The following APOL1 variants were observed in gnomAD, a reference collection of about 807,000 sequenced individuals.
APOL1 encodes apolipoprotein L1.
In APOL1, 17 loss-of-function variants were observed where a neutral mutation model predicts 14.9. That is an observed-to-expected ratio of 1.14 (90% CI 0.78 to 1.71). The LOEUF (loss-of-function observed/expected upper bound fraction) is 1.71. Ranked by LOEUF, APOL1 falls within the 40% of genes most tolerant of loss-of-function variation. The probability of loss-of-function intolerance (pLI) is 0.00; values close to 1 mark genes in which losing one functional copy is unlikely to be tolerated. For missense variants in APOL1, 523 were observed against 485.9 expected (o/e 1.08, Z -0.72); for synonymous variants, 195 against 184.8 (o/e 1.05, Z -0.45).
At position 36,253,960 on chromosome 22, in the gene APOL1, A is replaced by G. The variant is rs1569533594; in HGVS notation, c.-20+741A>G. On this transcript the variant is annotated intron_variant, in intron 1 of 5. Coordinates refer to ENST00000397278, the MANE Select transcript of APOL1 (RefSeq NM_003661.4). ...CCTGTGGCATGATGCCAGCTTTGCA[A>G]TCATGAGATTCAAAAGCCACACTGT... The G allele has an allele frequency of 1.9e-6, 3 of 1,614,224 alleles. No homozygotes were observed. The East Asian group carries it at 6.7e-5, about 36-fold the overall frequency.
At chr22:36,257,779 G>C (rs965868019) in intron 4 of APOL1, among the ~76,000 whole-genome samples, 3 of 151,590 alleles carry the variant, frequency 2.0e-5, no homozygotes, top group Admixed American at 2.0e-4. Flanking sequence ...GCCCCGACCT[G>C]TCACCTCCCG....
chr22:36,255,084 G>A, intron 2 of APOL1, 85 bp downstream of exon 2: 2 of 1,474,016 alleles, frequency 1.4e-6, no homozygotes, highest in Non-Finnish European at 9.5e-7. Flanking sequence ...CTGGGCCAGG[G>A]CCATCTGGGC....
At chr22:36,255,134 C>A in intron 2 of APOL1, 135 bp downstream of exon 2, 1 of 1,096,032 alleles carries the variant, frequency 9.1e-7, no homozygotes, top group Non-Finnish European at 1.4e-6. Context: ...AATTGACCAA[C>A]CGGCAGACTC....
At chr22:36,259,049 C>T (rs958027547) in intron 4 of APOL1, among the ~76,000 whole-genome samples, 6 of 152,264 alleles carry the variant, frequency 3.9e-5, no homozygotes, top group Middle Eastern at 3.4e-3. Flanking sequence ...GTTCTTGTTT[C>T]TTCTGTGACC....
At position 36,265,270 on chromosome 22, in the gene APOL1, C is replaced by T. The variant is rs2016200281; in HGVS notation, c.434C>T (p.Pro145Leu). 2.5e-6 allele frequency: 4 copies of T among 1,614,062 alleles called. No homozygotes were observed. Among genetic ancestry groups the T allele is most frequent in the South Asian group, 1.1e-5 (1 of 91,070 alleles). ...QYRNWFLKEF[P>L]RLKSELEDNI... The stretch of plus-strand genomic sequence containing the variant: ...AGAAACTGGTTTCTGAAAGAGTTTC[C>T]TCGGTTGAAAAGTGAGCTTGAGGAT... The change falls in exon 6 of 6, where the codon CCT becomes CTT. Residue 145 changes from proline (P) to leucine (L), a missense_variant. By Grantham distance (98) the Pro-to-Leu change is moderately conservative. Transcript: ENST00000397278.
At position 36,266,082 on chromosome 22, in the gene APOL1, G is replaced by A. The variant is rs112920649; in HGVS notation, c.*49G>A. The A allele has an allele frequency of 8.5e-6, 13 of 1,528,176 alleles. No homozygotes were observed. The African/African-American group carries it at 9.7e-5, about 11-fold the overall frequency. The allele number at this position is 1,528,176 out of a possible 1,614,324, so 94.7% of individuals were successfully genotyped here. A position where few individuals can be genotyped will look rare whatever the true frequency, so the allele number is the denominator to read the frequency against. On this transcript the variant is annotated 3_prime_UTR_variant, in exon 6 of 6. Coordinates refer to ENST00000397278, the MANE Select transcript of APOL1 (RefSeq NM_003661.4). ...GAGAGATATGCCTGGCAGGGGCCAGGACAAAATGCAAACTTTTTTTTTTTT... is the reference window on the plus strand; with the variant it reads ...GAGAGATATGCCTGGCAGGGGCCAGAACAAAATGCAAACTTTTTTTTTTTT...
In APOL1 at chr22:36,256,987, C is replaced by T. The variant is rs575100055; in HGVS notation, c.45-96C>T. The T allele has an allele frequency of 9.5e-6, 13 of 1,364,064 alleles. No homozygotes were observed. In the Admixed American group the frequency reaches 1.8e-4, roughly 18 times the overall value. 84.5% of individuals were successfully genotyped at this position (1,364,064 alleles called of 1,614,324 possible). On this transcript the variant is annotated intron_variant, in intron 2 of 5. Coordinates refer to ENST00000397278, the MANE Select transcript of APOL1 (RefSeq NM_003661.4). ...AGGCCCTGGTCATTGTCAGAACCTT[C>T]CTCCCCATCTCTATTTCTGTGTATA...
rs139210712 is a variant in APOL1, at chr22:36,265,321, C to T, written c.485C>T (p.Ala162Val). 3 of 1,612,356 alleles carry T rather than the reference C, an allele frequency of 1.9e-6. No individual in the cohort carries two copies. In the African/African-American group the frequency reaches 4.0e-5, roughly 22 times the overall value. Reference protein sequence around the residue: ...EDNIRRLRALADGVQKVHKGT... With the variant: ...EDNIRRLRALVDGVQKVHKGT... The stretch of plus-strand genomic sequence containing the variant: ...AACATAAGAAGGCTCCGTGCCCTTG[C>T]AGATGGGGTTCAGAAGGTCCACAAA... Residue 162 changes from alanine to valine, a missense_variant, in exon 6 of 6, where the codon GCA (alanine) becomes GTA (valine). Coordinates refer to ENST00000397278, the MANE Select transcript of APOL1 (RefSeq NM_003661.4).
At chr22:36,261,787 A>G (rs749873480) in intron 5 of APOL1, 65 bp downstream of exon 5, 282 of 1,554,408 alleles carry the variant, frequency 1.8e-4, no homozygotes, top group Non-Finnish European at 2.4e-4. Context: ...CCCCTGGGCT[A>G]GTTTTCCCTG....
Position 36,254,923 on chromosome 22 carries a change from T to C in APOL1, c.-19-14T>C, listed in dbSNP as rs373298030. ...GAGGAGCACACTGTCTCAACCCCTC[T>C]TTTCCTGCTCAAGGAGGAGGCCCTG... On this transcript the variant is annotated splice_polypyrimidine_tract_variant and intron_variant, in intron 1 of 5. Transcript: ENST00000397278. 87 of 1,613,576 alleles carry C rather than the reference T, an allele frequency of 5.4e-5. No homozygotes were observed. The highest frequency in any genetic ancestry group is 1.1e-4 in the African/African-American group (8 of 74,916).
In APOL1 at chr22:36,265,420, G is replaced by T. The variant is rs1235413123; in HGVS notation, c.584G>T (p.Gly195Val). Residue 195 changes from glycine to valine, a missense_variant, in exon 6 of 6, where the codon GGT (glycine) becomes GTT (valine). By Grantham distance (109) the Gly-to-Val change is moderately radical. Coordinates refer to ENST00000397278, the MANE Select transcript of APOL1 (RefSeq NM_003661.4). ...SSGILTLVGM[G>V]LAPFTEGGSL... ...GGCATCCTGACCCTCGTCGGCATGG[G>T]TCTGGCACCCTTCACAGAGGGAGGC... The T allele has an allele frequency of 6.2e-7, 1 of 1,614,120 alleles. No individual in the cohort carries two copies. The highest frequency in any genetic ancestry group is 8.5e-7 in the Non-Finnish European group (1 of 1,180,024).
At chr22:36,255,022 A>G (rs1348409947) in intron 2 of APOL1, 23 bp downstream of exon 2, 8 of 1,607,936 alleles carry the variant, frequency 5.0e-6, no homozygotes, top group Non-Finnish European at 5.1e-6. Flanking sequence ...CAGAGCCCTG[A>G]GGCGGGAGGG....
In APOL1 at chr22:36,267,437, T is replaced by C. The variant is rs180731649; in HGVS notation, c.*1404T>C. The C allele has an allele frequency of 5.0e-3, 768 of 152,372 alleles. 3 individuals carry two copies. Among genetic ancestry groups the C allele is most frequent in the Middle Eastern group, 0.01 (3 of 294 alleles). 9.4% of individuals were successfully genotyped at this position (152,372 alleles called of 1,614,324 possible). On this transcript the variant is annotated 3_prime_UTR_variant, in exon 6 of 6. Coordinates refer to ENST00000397278, the MANE Select transcript of APOL1 (RefSeq NM_003661.4). ...AAATTAGCATGAAAGCAGTTTAGCA[T>C]TGGGAGGAAGCTCAGATCTCTAGAG...
rs376102138 is a variant in APOL1, at chr22:36,261,728, C to T, written c.314+6C>T. 1 of 1,613,204 alleles carries T rather than the reference C, an allele frequency of 6.2e-7. No homozygotes were observed. The highest frequency in any genetic ancestry group is 1.3e-5 in the African/African-American group (1 of 74,910). ...GCTGCTGCTGAACTGCCCAGGTAAG[C>T]TCCATGGGGTTACCTCCATTGGGCA... On this transcript the variant is annotated splice_donor_region_variant and intron_variant, in intron 5 of 5. Coordinates refer to ENST00000397278, the MANE Select transcript of APOL1 (RefSeq NM_003661.4).
rs1374294542 is a variant in APOL1, at chr22:36,267,508, A to C, written c.*1475A>C. 1 of 152,070 alleles carries C rather than the reference A, an allele frequency of 6.6e-6. No homozygotes were observed. The highest frequency in any genetic ancestry group is 1.5e-5 in the Non-Finnish European group (1 of 68,018). The allele number at this position is 152,070 out of a possible 1,614,324, so 9.4% of individuals were successfully genotyped here. ...ATTGACCTGTGTGTAAGTCCCAATA[A>C]ACTCACCTACTCATCAAGCTGGACT... On this transcript the variant is annotated 3_prime_UTR_variant, in exon 6 of 6. Transcript: ENST00000397278.
In APOL1 at chr22:36,263,333, C is replaced by T. The variant is rs188627429; in HGVS notation, c.314+1611C>T. Among the ~76,000 whole-genome samples, 393 of 152,292 alleles carry T rather than the reference C, an allele frequency of 2.6e-3. 4 individuals are homozygous for T. The highest frequency in any genetic ancestry group is 5.6e-3 in the Admixed American group (86 of 15,294). On this transcript the variant is annotated intron_variant, in intron 5 of 5. Transcript: ENST00000397278. ...CAGGCAAAGTGAACTCCTGTCTCTCCGGGGTTTTGTTTTTGTTTGAATTCA... is the reference window on the plus strand; with the variant it reads ...CAGGCAAAGTGAACTCCTGTCTCTCTGGGGTTTTGTTTTTGTTTGAATTCA...
Position 36,256,436 on chromosome 22 carries a change from G to A in APOL1, c.45-647G>A, listed in dbSNP as rs969164229. On this transcript the variant is annotated intron_variant, in intron 2 of 5. Transcript: ENST00000397278. Reference sequence around the variant, plus strand: ...TTCTTTGTAGCATAATTTATATGAGGAATTAGAAACACCCTGAGGTCCATC... The same window carrying A: ...TTCTTTGTAGCATAATTTATATGAGAAATTAGAAACACCCTGAGGTCCATC... Among the ~76,000 whole-genome samples, 5 of 152,202 alleles carry A rather than the reference G, an allele frequency of 3.3e-5. No individual in the cohort carries two copies. In the East Asian group the frequency reaches 9.6e-4, roughly 29 times the overall value.
chr22:36,258,892 ACCCAGCGC>A (rs2015984850), intron 4 of APOL1, among the ~76,000 whole-genome samples: 1 of 152,076 alleles, frequency 6.6e-6, no homozygotes, highest in African/African-American at 2.4e-5. Context: ...CGTGGGTCAG[ACCCAGCGC>A]CGAGTTGGAT....
Position 36,254,779 on chromosome 22 carries a change from C to T in APOL1, c.-19-158C>T, listed in dbSNP as rs565668775. On this transcript the variant is annotated intron_variant, in intron 1 of 5. Transcript: ENST00000397278. ...TCGGGAGGCTGAGGCAGGAGAATGG[C>T]GTGAACCCGGGAGGCAGAGCTTGTA... 1.3e-5 allele frequency: 11 copies of T among 842,118 alleles called. No homozygotes were observed. In the Admixed American group the frequency reaches 1.8e-4, roughly 14 times the overall value. 52.2% of individuals were successfully genotyped at this position (842,118 alleles called of 1,614,324 possible).
Sources: allele counts gnomAD v4.1 joint callset (sites outside exome capture counted in the v4.1 genomes callset), GRCh38; gene constraint gnomAD v4.1.1; transcripts MANE v1.5; gene names NCBI Gene and HGNC (gene_info 2026-07-23, HGNC 2026-07-21).